GNB4: variants seen among roughly 807,000 people sequenced by gnomAD.
The protein encoded by GNB4 is guanine nucleotide-binding protein subunit beta-4.
A neutral mutation model predicts 45.2 loss-of-function variants in GNB4; 28 were observed. The ratio of observed to expected loss-of-function variants is 0.62; its 90% CI spans 0.46 to 0.85. The LOEUF (loss-of-function observed/expected upper bound fraction) is 0.85, where lower values mean the gene tolerates loss of function less well. GNB4 is among the 40% of genes least tolerant of loss of function. The probability of loss-of-function intolerance (pLI) is 0.00; values close to 1 mark genes in which losing one functional copy is unlikely to be tolerated. For missense variants in GNB4, 321 were observed against 425.4 expected (o/e 0.75, Z 2.16); for synonymous variants, 132 against 143.7 (o/e 0.92, Z 0.58).
intron 4 of GNB4, 97 bp downstream of exon 4, chr3:179,419,302 T>C: frequency 1.2e-6 from 1 of 809,382 alleles, no homozygotes; most frequent in Non-Finnish European, 2.2e-6. Flanking sequence ...GCTTCATGAA[T>C]ATATTCTGTT....
intron 3 of GNB4, 87 bp downstream of exon 3, chr3:179,420,802 C>A (rs1714957499): frequency 1.2e-6 from 1 of 821,360 alleles, no homozygotes; most frequent in African/African-American, 1.7e-5. Flanking sequence ...CAATTAAGCA[C>A]TAATACAAGA....
chr3:179,462,275 A>G, the GNB4 span, among the ~76,000 whole-genome samples: 1 of 152,158 alleles, frequency 6.6e-6, no homozygotes, highest in African/African-American at 2.4e-5. Flanking sequence ...TTGCCCATAG[A>G]ACACATCCCT....
chr3:179,435,277 A>G (rs569665716), intron 1 of GNB4, among the ~76,000 whole-genome samples: 7 of 152,168 alleles, frequency 4.6e-5, no homozygotes, highest in African/African-American at 9.6e-5. Context: ...TCATGAACCC[A>G]TACTTCTCTG....
At chr3:179,445,597 A>G (rs1047603882) in intron 1 of GNB4, among the ~76,000 whole-genome samples, 5 of 152,194 alleles carry the variant, frequency 3.3e-5, no homozygotes, top group Non-Finnish European at 7.4e-5. Flanking sequence ...ACACTTTTGC[A>G]TAATAGGTAA....
intron 3 of GNB4, 101 bp from the exon 4 acceptor site, chr3:179,419,606 C>T (rs1714916988): frequency 1.3e-6 from 1 of 748,690 alleles, no homozygotes; most frequent in South Asian, 1.5e-5. Flanking sequence ...ACATAAAGTA[C>T]ATTTATAGTA....
chr3:179,475,797 C>T, the GNB4 span, among the ~76,000 whole-genome samples: 1 of 152,194 alleles, frequency 6.6e-6, no homozygotes, highest in African/African-American at 2.4e-5. Flanking sequence ...TAACAGTCTG[C>T]ACAAGTGATA....
At chr3:179,448,012 G>A (rs1297568688) in intron 1 of GNB4, among the ~76,000 whole-genome samples, 1 of 152,198 alleles carries the variant, frequency 6.6e-6, no homozygotes, top group Non-Finnish European at 1.5e-5. Flanking sequence ...AAATGTGGCT[G>A]AAGATCCAGT....
intron 1 of GNB4, among the ~76,000 whole-genome samples, chr3:179,447,400 T>C (rs932584614): frequency 1.3e-5 from 2 of 151,150 alleles, no homozygotes; most frequent in Non-Finnish European, 2.9e-5. Flanking sequence ...TCTCACTCTA[T>C]TGCCCAGGCA....
chr3:179,456,909 A>C, the GNB4 span, among the ~76,000 whole-genome samples: 1 of 152,186 alleles, frequency 6.6e-6, no homozygotes, highest in Non-Finnish European at 1.5e-5. Context: ...TGGAAGTACC[A>C]CAGTTGGTTT....
At chr3:179,466,241 C>T in the GNB4 span, among the ~76,000 whole-genome samples, 1 of 151,958 alleles carries the variant, frequency 6.6e-6, no homozygotes, top group Non-Finnish European at 1.5e-5. Flanking sequence ...AAACTCCTAA[C>T]CTCAAGTGAT....
At chr3:179,456,208 G>A (rs755694816), upstream of GNB4, among the ~76,000 whole-genome samples, 2 of 150,658 alleles carry the variant, frequency 1.3e-5, no homozygotes, top group African/African-American at 4.9e-5. Flanking sequence ...GGTGATTCTC[G>A]AGCCTCCTGA....
the GNB4 span, among the ~76,000 whole-genome samples, chr3:179,476,807 G>A: frequency 6.6e-6 from 1 of 152,210 alleles, no homozygotes; most frequent in African/African-American, 2.4e-5. Flanking sequence ...GCCTGCTTGA[G>A]TTACAGCCAG....
At chr3:179,515,227 G>A in the GNB4 span, among the ~76,000 whole-genome samples, 1 of 152,200 alleles carries the variant, frequency 6.6e-6, no homozygotes, top group African/African-American at 2.4e-5. Flanking sequence ...AGTGCTTTTT[G>A]TATATTGATT....
intron 4 of GNB4, 29 bp downstream of exon 4, chr3:179,419,370 A>T: frequency 7.9e-7 from 1 of 1,260,748 alleles, no homozygotes; most frequent in South Asian, 1.2e-5. Context: ...GCAACAGTTT[A>T]AAAATGACAG....
chr3:179,485,056 G>C, the GNB4 span, among the ~76,000 whole-genome samples: 1 of 141,966 alleles, frequency 7.0e-6, no homozygotes, highest in South Asian at 2.2e-4. Flanking sequence ...TGTTGCCCAG[G>C]CTGGAGTGCA....
At chr3:179,421,135 A>G (rs934632224) in intron 2 of GNB4, among the ~76,000 whole-genome samples, 13 of 152,182 alleles carry the variant, frequency 8.5e-5, no homozygotes, top group Non-Finnish European at 2.9e-5. Flanking sequence ...TAGTATCACA[A>G]TGTTGTGTGA....
the GNB4 span, among the ~76,000 whole-genome samples, chr3:179,511,289 G>A: frequency 6.6e-6 from 1 of 152,160 alleles, no homozygotes. Context: ...CTCACTATAA[G>A]GGCACCATGT....
chr3:179,486,106 C>T, the GNB4 span, among the ~76,000 whole-genome samples: 1 of 150,672 alleles, frequency 6.6e-6, no homozygotes, highest in Non-Finnish European at 1.5e-5. Flanking sequence ...GCCTATAACC[C>T]CAGCTACTCG....
intron 1 of GNB4, among the ~76,000 whole-genome samples, chr3:179,436,220 G>A (rs1048794881): frequency 6.6e-6 from 1 of 152,126 alleles, no homozygotes; most frequent in Admixed American, 6.5e-5. Flanking sequence ...CCAACATGGA[G>A]AAACCCTGTC....
Sources: gnomAD v4.1 joint callset for allele counts (sites outside exome capture counted in the v4.1 genomes callset) on GRCh38, gnomAD v4.1.1 for gene constraint, MANE v1.5 for transcripts, NCBI Gene and HGNC (gene_info 2026-07-23, HGNC 2026-07-21) for gene names.